Variants in WIF1 observed in about 807,000 individuals in gnomAD.
The protein encoded by WIF1 is Wnt inhibitory factor 1.
In WIF1, 35 loss-of-function variants were observed where a neutral mutation model predicts 53.5. The ratio of observed to expected loss-of-function variants is 0.65; its 90% CI spans 0.50 to 0.87. The LOEUF (loss-of-function observed/expected upper bound fraction) is 0.87. WIF1 is among the 40% of genes least tolerant of loss of function. The probability of loss-of-function intolerance (pLI) is 0.00; values close to 1 mark genes in which losing one functional copy is unlikely to be tolerated. For synonymous variants in WIF1, 171 were observed against 170.4 expected, an observed-to-expected ratio of 1.00 and a Z score of -0.03; for missense variants, 467 against 476.8, an observed-to-expected ratio of 0.98 and a Z score of 0.19.
chr12:65,118,100 C>T (rs912784642), intron 2 of WIF1, among the ~76,000 whole-genome samples: 5 of 152,212 alleles, frequency 3.3e-5, no homozygotes, highest in Non-Finnish European at 5.9e-5. Flanking sequence ...CCACATGTTG[C>T]TAAAACACTT....
intron 7 of WIF1, among the ~76,000 whole-genome samples, chr12:65,056,651 G>GT (rs1882533369): frequency 6.6e-6 from 1 of 151,770 alleles, no homozygotes; most frequent in African/African-American, 2.4e-5. Context: ...ATTGATTTTT[G>GT]TTTTTTGGTT....
intron 2 of WIF1, among the ~76,000 whole-genome samples, chr12:65,119,370 A>G (rs1454867910): frequency 6.6e-6 from 1 of 152,188 alleles, no homozygotes; most frequent in Non-Finnish European, 1.5e-5. Flanking sequence ...TGAAGGTTCT[A>G]GATTTGATCT....
intron 3 of WIF1, among the ~76,000 whole-genome samples, chr12:65,069,127 C>T (rs1478896651): frequency 6.6e-6 from 1 of 152,112 alleles, no homozygotes; most frequent in East Asian, 1.9e-4. Context: ...CCAATTTTTA[C>T]CTCATTAATA....
intron 2 of WIF1, among the ~76,000 whole-genome samples, chr12:65,087,746 G>T (rs967699962): frequency 6.6e-6 from 1 of 151,884 alleles, no homozygotes; most frequent in African/African-American, 2.4e-5. Flanking sequence ...TCAAGTAATT[G>T]CAATTGCATA....
chr12:65,062,814 A>G (rs538187405), intron 6 of WIF1, among the ~76,000 whole-genome samples: 28 of 152,276 alleles, frequency 1.8e-4, no homozygotes, highest in Non-Finnish European at 4.0e-4. Flanking sequence ...AGGAGTTTCC[A>G]TCTCAGTGAA....
chr12:65,101,097 A>T (rs1883275547), intron 2 of WIF1, among the ~76,000 whole-genome samples: 1 of 152,130 alleles, frequency 6.6e-6, no homozygotes, highest in African/African-American at 2.4e-5. Flanking sequence ...TGATGGAAAA[A>T]TGTAATGAAC....
chr12:65,058,947 G>T (rs1195361256), intron 7 of WIF1, among the ~76,000 whole-genome samples: 2 of 152,152 alleles, frequency 1.3e-5, no homozygotes, highest in Non-Finnish European at 2.9e-5. Flanking sequence ...AGCTACTTGG[G>T]AGGCTGTGGC....
At chr12:65,057,056 G>A (rs562908318) in intron 7 of WIF1, among the ~76,000 whole-genome samples, 9 of 152,328 alleles carry the variant, frequency 5.9e-5, no homozygotes, top group African/African-American at 2.2e-4. Flanking sequence ...CATGCAGCTA[G>A]TTTATTTGGG....
chr12:65,104,424 T>G (rs527815929), intron 2 of WIF1, among the ~76,000 whole-genome samples: 7 of 152,320 alleles, frequency 4.6e-5, no homozygotes, highest in Admixed American at 4.6e-4. Context: ...AGAAATATCC[T>G]GATTTCAAAG....
At chr12:65,077,192 A>G (rs909031247) in intron 3 of WIF1, among the ~76,000 whole-genome samples, 4 of 152,232 alleles carry the variant, frequency 2.6e-5, no homozygotes, top group Non-Finnish European at 5.9e-5. Flanking sequence ...CGCAAGAGTG[A>G]GTCTGTTGTA....
chr12:65,108,099 T>C (rs1883377715), intron 2 of WIF1, among the ~76,000 whole-genome samples: 1 of 152,256 alleles, frequency 6.6e-6, no homozygotes, highest in Non-Finnish European at 1.5e-5. Flanking sequence ...TTCTCAGTAC[T>C]TTCATAGCAC....
chr12:65,061,042 G>A (rs1882603698), intron 7 of WIF1, among the ~76,000 whole-genome samples: 1 of 152,172 alleles, frequency 6.6e-6, no homozygotes, highest in African/African-American at 2.4e-5. Context: ...CCAAGTAAGT[G>A]TGCAGAGTCT....
intron 3 of WIF1, 107 bp from the exon 4 acceptor site, chr12:65,069,011 A>G (rs1882732288): frequency 1.6e-6 from 2 of 1,246,788 alleles, no homozygotes; most frequent in African/African-American, 1.5e-5. Context: ...AAATGTTCAC[A>G]TGTTGTGGAT....
intron 9 of WIF1, among the ~76,000 whole-genome samples, chr12:65,053,458 G>A (rs1882473562): frequency 6.6e-6 from 1 of 152,100 alleles, no homozygotes. Flanking sequence ...GATAGTGAGC[G>A]AGTTCTCACG....
At chr12:65,098,313 G>A (rs1472708307) in intron 2 of WIF1, among the ~76,000 whole-genome samples, 1 of 152,104 alleles carries the variant, frequency 6.6e-6, no homozygotes, top group Non-Finnish European at 1.5e-5. Flanking sequence ...ATCTCAGAGA[G>A]CTTTGTAAAC....
intron 2 of WIF1, among the ~76,000 whole-genome samples, chr12:65,109,219 A>G (rs1465393911): frequency 6.6e-6 from 1 of 152,154 alleles, no homozygotes; most frequent in Non-Finnish European, 1.5e-5. Flanking sequence ...CCTACTAAAC[A>G]TCTTTCATGA....
At position 65,051,416 on chromosome 12, in the gene WIF1, T is replaced by C; in HGVS notation, c.1073A>G (p.Gln358Arg). ...GGCCTTTTTAAGTGAAGGCGTGTGC[T>C]GCCTGAGCTGGGCGCCTGCTGGCCT... ...ALRPAGAQLR[Q>R]HTPSLKKAEE... The change falls in exon 10 of 10, where the codon CAG becomes CGG. Residue 358 changes from glutamine (Q) to arginine (R), a missense_variant. By Grantham distance (43) the Gln-to-Arg change is conservative. Transcript: ENST00000286574. The C allele has an allele frequency of 9.3e-6, 15 of 1,613,806 alleles. No homozygotes were observed. Among genetic ancestry groups the C allele is most frequent in the Non-Finnish European group, 1.3e-5 (15 of 1,179,876 alleles).
intron 5 of WIF1, among the ~76,000 whole-genome samples, chr12:65,067,136 T>A (rs1256419707): frequency 6.6e-6 from 1 of 152,134 alleles, no homozygotes; most frequent in Non-Finnish European, 1.5e-5. Context: ...TTTAAAATTA[T>A]TTTTTAACTG....
At chr12:65,086,349 G>A (rs1883037410) in intron 2 of WIF1, among the ~76,000 whole-genome samples, 1 of 152,112 alleles carries the variant, frequency 6.6e-6, no homozygotes, top group African/African-American at 2.4e-5. Context: ...AACTCAAGCA[G>A]TAGCAAAGTC....
Sources: gnomAD v4.1 joint callset for allele counts (sites outside exome capture counted in the v4.1 genomes callset) on GRCh38, gnomAD v4.1.1 for gene constraint, MANE v1.5 for transcripts, NCBI Gene and HGNC (gene_info 2026-07-23, HGNC 2026-07-21) for gene names.